SERINC5: variants seen among roughly 807,000 people sequenced by gnomAD.
SERINC5 encodes the protein serine incorporator 5.
A neutral mutation model predicts 63.1 loss-of-function variants in SERINC5; 41 were observed. That is an observed-to-expected ratio of 0.65 (90% CI 0.51 to 0.84). The LOEUF (loss-of-function observed/expected upper bound fraction) is 0.84, where lower values mean the gene tolerates loss of function less well. Ranked by LOEUF, SERINC5 falls within the 40% of genes least tolerant of loss-of-function variation. The pLI is 0.00. For synonymous variants in SERINC5, 222 were observed against 215.2 expected (o/e 1.03, Z -0.28); for missense variants, 523 against 573.0 (o/e 0.91, Z 0.89).
intron 2 of SERINC5, among the ~76,000 whole-genome samples, chr5:80,192,976 C>T (rs1749286876): frequency 6.6e-6 from 1 of 152,178 alleles, no homozygotes; most frequent in Non-Finnish European, 1.5e-5. Context: ...GCATCACAGG[C>T]TCCTTCCAGA....
At position 80,141,654 on chromosome 5, in the gene SERINC5, T is replaced by G. The variant is rs1049743639; in HGVS notation, c.*2009A>C. Reference sequence around the variant, plus strand: ...AGGCCACTGCAACACAGCTACTGTGTGTGACACGCAGCCCCACTCCCTGAG... The same window carrying G: ...AGGCCACTGCAACACAGCTACTGTGGGTGACACGCAGCCCCACTCCCTGAG... On this transcript the variant is annotated 3_prime_UTR_variant, in exon 12 of 12. Coordinates refer to ENST00000507668, the MANE Select transcript of SERINC5 (RefSeq NM_001174072.3). 4.1e-6 allele frequency: 4 copies of G among 985,452 alleles called. No individual in the cohort carries two copies. The African/African-American group carries it at 7.0e-5, about 17-fold the overall frequency. The allele number at this position is 985,452 out of a possible 1,614,324, so 61.0% of individuals were successfully genotyped here.
At position 80,146,099 on chromosome 5, in the gene SERINC5, T is replaced by C. The variant is rs1319337414; in HGVS notation, c.1229A>G (p.Asn410Ser). The change falls in exon 11 of 12, where the codon AAC becomes AGC. Residue 410 changes from asparagine (N) to serine (S), a missense_variant. Transcript: ENST00000507668. ...CAAATGGGCCACTCACTTGAACCAG[T>C]TGGTGACGGTCATCATCACATACAG... ...ASLYVMMTVT[N>S]WFNYESANIE... 8 of 1,613,878 alleles carry C rather than the reference T, an allele frequency of 5.0e-6. No individual in the cohort carries two copies. The highest frequency in any genetic ancestry group is 3.3e-5 in the South Asian group (3 of 91,092).
intron 1 of SERINC5, among the ~76,000 whole-genome samples, chr5:80,209,630 T>C (rs1750338536): frequency 6.6e-6 from 1 of 152,212 alleles, no homozygotes. Flanking sequence ...GGAACAGGCC[T>C]AGATGTGGGG....
Position 80,138,744 on chromosome 5 carries a change from A to G in SERINC5, c.*4919T>C, listed in dbSNP as rs1172399815. ...ACATCATGTTGCACACCACAGATAT[A>G]TATCTTTTATTTGTCAATTAAAGGA... On this transcript the variant is annotated 3_prime_UTR_variant, in exon 12 of 12. Transcript: ENST00000507668. The G allele has an allele frequency of 3.8e-5, 33 of 860,326 alleles. No homozygotes were observed. Among genetic ancestry groups the G allele is most frequent in the Admixed American group, 6.2e-5 (1 of 16,086 alleles). The allele number at this position is 860,326 out of a possible 1,614,324, so 53.3% of individuals were successfully genotyped here.
At chr5:80,227,406 G>A (rs1050425361) in intron 1 of SERINC5, among the ~76,000 whole-genome samples, 7 of 152,074 alleles carry the variant, frequency 4.6e-5, no homozygotes, top group African/African-American at 1.7e-4. Context: ...TTCCTGTGCT[G>A]CTATGGTGCC....
chr5:80,165,004 A>G (rs1411132561), intron 7 of SERINC5, among the ~76,000 whole-genome samples: 2 of 141,522 alleles, frequency 1.4e-5, no homozygotes, highest in African/African-American at 2.7e-5. Flanking sequence ...CAGCCTCCCA[A>G]GGTGCTTAGA....
intron 4 of SERINC5, among the ~76,000 whole-genome samples, chr5:80,175,293 T>G (rs1032368135): frequency 2.6e-5 from 4 of 152,180 alleles, no homozygotes; most frequent in African/African-American, 9.7e-5. Context: ...ACAGGCAGTC[T>G]GACCCTGAAA....
intron 1 of SERINC5, among the ~76,000 whole-genome samples, chr5:80,247,454 G>A (rs1197157525): frequency 6.6e-6 from 1 of 152,108 alleles, no homozygotes; most frequent in Non-Finnish European, 1.5e-5. Context: ...TGCCTTCCAC[G>A]CCTACAGACT....
At chr5:80,137,642 C>CAAAA (rs57807742), downstream of SERINC5, among the ~76,000 whole-genome samples, 2 of 104,776 alleles carry the variant, frequency 1.9e-5, no homozygotes, top group African/African-American at 6.7e-5. Context: ...GACTCTAACT[C>CAAAA]AAAAAAAAAA....
rs547785259 is a variant in SERINC5, at chr5:80,198,006, A to C, written c.195+4880T>G. Among the ~76,000 whole-genome samples the C allele has an allele frequency of 8.6e-4, 130 of 151,944 alleles. 2 individuals carry two copies. Among genetic ancestry groups the C allele is most frequent in the Non-Finnish European group, 7.4e-5 (5 of 67,956 alleles). ...AGGTGCACACCACCACACCCAGCTAATTTTTGTATTTTTAGTAGAGATGGG... is the reference window on the plus strand; with the variant it reads ...AGGTGCACACCACCACACCCAGCTACTTTTTGTATTTTTAGTAGAGATGGG... On this transcript the variant is annotated intron_variant, in intron 2 of 11. Transcript: ENST00000507668.
rs1316088840 is a variant in SERINC5 at position 80,140,617 on chromosome 5, A to T, written c.*3046T>A. ...AAAACTAACCAATCAGTATTTAAAAAGCTAGACACAGTAAAGACGTGGTTG... is the reference window on the plus strand; with the variant it reads ...AAAACTAACCAATCAGTATTTAAAATGCTAGACACAGTAAAGACGTGGTTG... On this transcript the variant is annotated 3_prime_UTR_variant, in exon 12 of 12. Coordinates refer to ENST00000507668, the MANE Select transcript of SERINC5 (RefSeq NM_001174072.3). 1.0e-6 allele frequency: 1 copy of T among 985,350 alleles called. No individual in the cohort carries two copies. Among genetic ancestry groups the T allele is most frequent in the Non-Finnish European group, 1.2e-6 (1 of 829,906 alleles). The allele number at this position is 985,350 out of a possible 1,614,324, so 61.0% of individuals were successfully genotyped here.
chr5:80,245,740 G>A (rs1181719386), intron 1 of SERINC5, among the ~76,000 whole-genome samples: 1 of 151,842 alleles, frequency 6.6e-6, no homozygotes, highest in Non-Finnish European at 1.5e-5. Context: ...TCAGCCTCCT[G>A]AGTATCTGGG....
intron 1 of SERINC5, among the ~76,000 whole-genome samples, chr5:80,224,618 G>A (rs1001336414): frequency 1.2e-4 from 19 of 152,116 alleles, no homozygotes; most frequent in Non-Finnish European, 2.4e-4. Context: ...CTTGAAAAGT[G>A]TATAAAAACA....
chr5:80,158,746 G>A, intron 8 of SERINC5, 90 bp downstream of exon 8: 1 of 1,293,912 alleles, frequency 7.7e-7, no homozygotes, highest in Non-Finnish European at 1.1e-6. Context: ...TCAAATGGTT[G>A]CAGCCTCACA....
At chr5:80,153,571 T>A (rs1746324876) in intron 8 of SERINC5, among the ~76,000 whole-genome samples, 1 of 152,082 alleles carries the variant, frequency 6.6e-6, no homozygotes, top group Non-Finnish European at 1.5e-5. Flanking sequence ...CACAAATTGC[T>A]ATAAAACAAT....
At chr5:80,255,851 G>C (rs372848502) in intron 1 of SERINC5, 45 bp downstream of exon 1, 18 of 1,583,322 alleles carry the variant, frequency 1.1e-5, no homozygotes, top group Non-Finnish European at 1.5e-5. Context: ...TCCTGGCCCG[G>C]TTCTCCGATC....
At chr5:80,170,892 A>T (rs1286662043) in intron 5 of SERINC5, among the ~76,000 whole-genome samples, 1 of 152,156 alleles carries the variant, frequency 6.6e-6, no homozygotes, top group East Asian at 1.9e-4. Context: ...TTGTAGTCCC[A>T]GCTGCTTGGG....
intron 2 of SERINC5, among the ~76,000 whole-genome samples, chr5:80,178,799 G>A (rs1013236087): frequency 0.025 from 62 of 2,480 alleles, no homozygotes; most frequent in African/African-American, 0.1. Context: ...TCCCTCAGAA[G>A]AGTAAACAAT....
intron 5 of SERINC5, 131 bp from the exon 6 acceptor site, chr5:80,169,677 T>C (rs143031725): frequency 1.5e-6 from 1 of 653,570 alleles, no homozygotes; most frequent in African/African-American, 1.8e-5. Flanking sequence ...GGTACCCAGC[T>C]GCTCAGAAGA....
Sources: gnomAD v4.1 joint callset for allele counts (sites outside exome capture counted in the v4.1 genomes callset) on GRCh38, gnomAD v4.1.1 for gene constraint, MANE v1.5 for transcripts, NCBI Gene and HGNC (gene_info 2026-07-23, HGNC 2026-07-21) for gene names.